PLPP4: variants seen among roughly 807,000 people sequenced by gnomAD.
PLPP4 encodes diacylglycerol pyrophosphate like 2.
Under a neutral mutation model 32.2 loss-of-function variants are expected in PLPP4, and 20 were observed. That is an observed-to-expected ratio of 0.62 (90% CI 0.44 to 0.90). The LOEUF (loss-of-function observed/expected upper bound fraction) is 0.90. Ranked by LOEUF, PLPP4 falls within the 40% of genes least tolerant of loss-of-function variation. PLPP4 has a pLI of 0.00. For missense variants in PLPP4, 257 were observed against 353.1 expected, an observed-to-expected ratio of 0.73 and a Z score of 2.18; for synonymous variants, 127 against 133.0, an observed-to-expected ratio of 0.95 and a Z score of 0.31.
intron 1 of PLPP4, among the ~76,000 whole-genome samples, chr10:120,502,393 G>A (rs1043075068): frequency 2.0e-5 from 3 of 152,204 alleles, no homozygotes; most frequent in Non-Finnish European, 4.4e-5. Flanking sequence ...AGACACAGCA[G>A]ATGGGTGGAT....
chr10:120,483,162 G>A (rs1844288761), intron 1 of PLPP4, among the ~76,000 whole-genome samples: 1 of 152,156 alleles, frequency 6.6e-6, no homozygotes, highest in Non-Finnish European at 1.5e-5. Flanking sequence ...TTGGCCTCTT[G>A]GACTTACACC....
Position 120,566,275 on chromosome 10 carries a change from G to GGAA in PLPP4, c.446-8855_446-8853dup, listed in dbSNP as rs757273629. On this transcript the variant is annotated intron_variant, in intron 5 of 6. Transcript: ENST00000398250. Reference sequence around the variant, plus strand: ...AATTTTTCCTAGAAGTTTATTTTTTGGAAATACTTTGATGTCTGGGTTGAA... The same window carrying GGAA: ...AATTTTTCCTAGAAGTTTATTTTTTGGAAGAAATACTTTGATGTCTGGGTTGAA... Among the ~76,000 whole-genome samples, 5 of 151,832 alleles carry GGAA rather than the reference G, an allele frequency of 3.3e-5. No homozygotes were observed. The East Asian group carries it at 5.8e-4, about 18-fold the overall frequency.
Position 120,504,373 on chromosome 10 carries a change from T to C in PLPP4, c.165+447T>C, listed in dbSNP as rs551889713. Among the ~76,000 whole-genome samples the C allele has an allele frequency of 3.0e-3, 451 of 152,296 alleles. 2 individuals are homozygous for C. The highest frequency in any genetic ancestry group is 0.01 in the African/African-American group (427 of 41,552). Reference sequence around the variant, plus strand: ...ACCCGATTGGCTAACAGCTGAAAACTTTCTTAAATAGGTAAAGGCAAGGGA... The same window carrying C: ...ACCCGATTGGCTAACAGCTGAAAACCTTCTTAAATAGGTAAAGGCAAGGGA... On this transcript the variant is annotated intron_variant, in intron 2 of 6. Transcript: ENST00000398250.
At chr10:120,530,547 C>G (rs1846656855) in intron 5 of PLPP4, among the ~76,000 whole-genome samples, 1 of 152,126 alleles carries the variant, frequency 6.6e-6, no homozygotes, top group African/African-American at 2.4e-5. Context: ...CGTTCTTTAT[C>G]CGTCTTATCT....
At chr10:120,558,744 G>T (rs1848280657) in intron 5 of PLPP4, among the ~76,000 whole-genome samples, 1 of 151,880 alleles carries the variant, frequency 6.6e-6, no homozygotes, top group Non-Finnish European at 1.5e-5. Flanking sequence ...ATTTTTATCT[G>T]CCACTTTAAG....
chr10:120,556,669 G>A (rs563987819), intron 5 of PLPP4, among the ~76,000 whole-genome samples: 34 of 152,164 alleles, frequency 2.2e-4, no homozygotes, highest in African/African-American at 8.0e-4. Flanking sequence ...GTTCTACAAG[G>A]GCTGTTTTAC....
chr10:120,543,916 G>T (rs2420725), intron 5 of PLPP4, among the ~76,000 whole-genome samples: 91,198 of 152,114 alleles, frequency 0.6, 27,814 homozygotes, highest in East Asian at 0.75. Context: ...TCCTCAGGAT[G>T]CATCCATGTT....
intron 1 of PLPP4, among the ~76,000 whole-genome samples, chr10:120,473,015 A>G (rs918808514): frequency 1.3e-5 from 2 of 152,072 alleles, no homozygotes; most frequent in South Asian, 2.1e-4. Flanking sequence ...ATCTTTCCCT[A>G]TCATCTTTTA....
chr10:120,516,286 T>C (rs1252476143), intron 3 of PLPP4, among the ~76,000 whole-genome samples: 8 of 152,232 alleles, frequency 5.3e-5, no homozygotes. Context: ...CATGCTTCTT[T>C]ACTCAGATGT....
At chr10:120,574,907 T>C (rs1849142011) in intron 5 of PLPP4, among the ~76,000 whole-genome samples, 1 of 152,154 alleles carries the variant, frequency 6.6e-6, no homozygotes, top group South Asian at 2.1e-4. Flanking sequence ...ATGGATGAAA[T>C]AAAATAGGTT....
At position 120,496,672 on chromosome 10, in the gene PLPP4, T is replaced by A. The variant is rs149153848; in HGVS notation, c.57-7146T>A. 8.8e-4 allele frequency among the ~76,000 whole-genome samples: 134 copies of A among 152,294 alleles called. 2 individuals are homozygous for A. The South Asian group carries it at 0.024, about 27-fold the overall frequency. ...GGGACCATATTTGTATTCACCAGTG[T>A]TATAGGACAGTACCTGGCACATCAT... On this transcript the variant is annotated intron_variant, in intron 1 of 6. Transcript: ENST00000398250.
chr10:120,527,039 G>T lies in PLPP4; in HGVS notation c.445+5944G>T, dbSNP rs146470130. 5.1e-3 allele frequency among the ~76,000 whole-genome samples: 771 copies of T among 152,280 alleles called. 10 individuals carry two copies. The highest frequency in any genetic ancestry group is 0.018 in the African/African-American group (739 of 41,558). On this transcript the variant is annotated intron_variant, in intron 5 of 6. Transcript: ENST00000398250. ...GGAATGTGTGTTCTTGTTTGTATTA[G>T]TGAGGGCTCTCTGGAGAAACAAAAC...
intron 5 of PLPP4, among the ~76,000 whole-genome samples, chr10:120,525,103 G>A (rs935378254): frequency 1.3e-5 from 2 of 152,124 alleles, no homozygotes; most frequent in Non-Finnish European, 1.5e-5. Flanking sequence ...AGAGTTTTAC[G>A]GGAACACAGA....
At chr10:120,573,890 GGCTTT>G (rs1389898452) in intron 5 of PLPP4, among the ~76,000 whole-genome samples, 1 of 152,028 alleles carries the variant, frequency 6.6e-6, no homozygotes, top group Non-Finnish European at 1.5e-5. Context: ...CGTGGCTCAG[GGCTTT>G]GGGCAGTCTC....
chr10:120,461,039 A>G (rs1848022488), intron 1 of PLPP4, among the ~76,000 whole-genome samples: 1 of 151,922 alleles, frequency 6.6e-6, no homozygotes, highest in Non-Finnish European at 1.5e-5. Flanking sequence ...TCCTTCCATG[A>G]CTCCTTATCT....
At chr10:120,573,054 G>A (rs999964275) in intron 5 of PLPP4, among the ~76,000 whole-genome samples, 4 of 152,054 alleles carry the variant, frequency 2.6e-5, no homozygotes, top group Non-Finnish European at 4.4e-5. Context: ...CAAGTTCAAC[G>A]GGGAGGAGAA....
chr10:120,487,801 A>G (rs1358756905), intron 1 of PLPP4, among the ~76,000 whole-genome samples: 1 of 152,176 alleles, frequency 6.6e-6, no homozygotes, highest in Non-Finnish European at 1.5e-5. Context: ...AAGAGAGAGA[A>G]CTGTAAATGA....
At chr10:120,582,503 A>AAATATTTCTATTTAG (rs1170515339) in intron 6 of PLPP4, among the ~76,000 whole-genome samples, 2 of 152,186 alleles carry the variant, frequency 1.3e-5, no homozygotes, top group African/African-American at 4.8e-5. Context: ...TTACTCCTGT[A>AAATATTTCTATTTAG]AAACCCTATT....
chr10:120,488,511 A>C (rs1447117702), intron 1 of PLPP4, among the ~76,000 whole-genome samples: 1 of 152,238 alleles, frequency 6.6e-6, no homozygotes, highest in African/African-American at 2.4e-5. Flanking sequence ...GCCATACTGC[A>C]AGTGCATGAA....
Sources: gnomAD v4.1 joint callset for allele counts (sites outside exome capture counted in the v4.1 genomes callset) on GRCh38, gnomAD v4.1.1 for gene constraint, MANE v1.5 for transcripts, NCBI Gene and HGNC (gene_info 2026-07-23, HGNC 2026-07-21) for gene names.